KIF1B: variants seen among roughly 807,000 people sequenced by gnomAD.
The protein encoded by KIF1B is kinesin family member 1B.
A neutral mutation model predicts 241.9 loss-of-function variants in KIF1B; 76 were observed. That is an observed-to-expected ratio of 0.31 (90% CI 0.26 to 0.38). The LOEUF is 0.38. Among genes scored for constraint, KIF1B ranks in the 10% least tolerant of loss-of-function variants. The pLI is 1.00. For synonymous variants in KIF1B, 750 were observed against 796.7 expected, an observed-to-expected ratio of 0.94 and a Z score of 0.99; for missense variants, 1,622 against 2,271.4, an observed-to-expected ratio of 0.71 and a Z score of 5.81.
chr1:10,328,483 G>A (rs889217203), intron 27 of KIF1B, among the ~76,000 whole-genome samples: 4 of 152,208 alleles, frequency 2.6e-5, no homozygotes, highest in South Asian at 2.1e-4. Flanking sequence ...AATAGATAAC[G>A]TAGAATTTCA....
At chr1:10,331,722 A>G (rs1651928269) in intron 27 of KIF1B, among the ~76,000 whole-genome samples, 1 of 152,190 alleles carries the variant, frequency 6.6e-6, no homozygotes. Flanking sequence ...TATTGATACA[A>G]GTGTCTGTCT....
intron 6 of KIF1B, 61 bp downstream of exon 6, chr1:10,267,619 C>A: frequency 6.5e-7 from 1 of 1,546,638 alleles, no homozygotes; most frequent in South Asian, 1.1e-5. Context: ...CCTTTTTTCC[C>A]AGTTAAGGGT....
intron 1 of KIF1B, among the ~76,000 whole-genome samples, chr1:10,219,202 C>T (rs765889677): frequency 6.6e-6 from 1 of 152,178 alleles, no homozygotes; most frequent in African/African-American, 2.4e-5. Flanking sequence ...TGGCTCATGC[C>T]TGTAATCCCA....
intron 27 of KIF1B, among the ~76,000 whole-genome samples, chr1:10,328,855 C>G (rs1651817704): frequency 6.6e-6 from 1 of 152,150 alleles, no homozygotes; most frequent in Non-Finnish European, 1.5e-5. Context: ...AAGTGAATAA[C>G]AGGTAGAAAT....
chr1:10,305,507 AG>A lies in KIF1B; in HGVS notation c.2115+8264del, dbSNP rs1650786092. 2.2e-5 allele frequency: 23 copies of A among 1,060,198 alleles called. No individual in the cohort carries two copies. The South Asian group carries it at 9.6e-4, about 44-fold the overall frequency. 65.7% of individuals were successfully genotyped at this position (1,060,198 alleles called of 1,614,324 possible). On this transcript the variant is annotated intron_variant, in intron 22 of 48. Coordinates refer to ENST00000676179, the MANE Select transcript of KIF1B (RefSeq NM_001365951.3). Reference sequence around the variant, plus strand: ...TTGTAAGGAGGTTATTTGGCTTGAGAGGGAAGAGGTGGGACAGACATGGGGG... The same window carrying A: ...TTGTAAGGAGGTTATTTGGCTTGAGAGGAAGAGGTGGGACAGACATGGGGG...
At chr1:10,254,722 A>G (rs1206444109) in intron 2 of KIF1B, among the ~76,000 whole-genome samples, 2 of 151,604 alleles carry the variant, frequency 1.3e-5, no homozygotes, top group Non-Finnish European at 2.9e-5. Context: ...TAAAAATACA[A>G]AAAAATTAGC....
At chr1:10,353,798 A>G (rs930925331) in intron 38 of KIF1B, among the ~76,000 whole-genome samples, 3 of 152,130 alleles carry the variant, frequency 2.0e-5, no homozygotes, top group Admixed American at 6.5e-5. Flanking sequence ...GAGGGTACAT[A>G]TGTATGTCTG....
At chr1:10,320,849 G>A (rs1032897062) in intron 23 of KIF1B, among the ~76,000 whole-genome samples, 2 of 151,272 alleles carry the variant, frequency 1.3e-5, no homozygotes, top group African/African-American at 2.4e-5. Flanking sequence ...TTACAGGGAT[G>A]CGCCACCATG....
intron 8 of KIF1B, 151 bp from the exon 9 acceptor site, chr1:10,272,090 G>T: frequency 1.6e-6 from 1 of 642,200 alleles, no homozygotes; most frequent in Non-Finnish European, 2.8e-6. Context: ...ATTATCAAGT[G>T]GAAAAGAGGA....
intron 1 of KIF1B, among the ~76,000 whole-genome samples, chr1:10,225,501 T>C (rs1323933298): frequency 1.3e-5 from 2 of 152,158 alleles, no homozygotes; most frequent in Non-Finnish European, 1.5e-5. Flanking sequence ...AGTAATTTAT[T>C]CTGCCTTGGG....
chr1:10,303,982 C>A lies in KIF1B; in HGVS notation c.2115+6736C>A. The A allele has an allele frequency of 1.9e-6, 3 of 1,613,176 alleles. No homozygotes were observed. The highest frequency in any genetic ancestry group is 2.5e-6 in the Non-Finnish European group (3 of 1,179,526). On this transcript the variant is annotated intron_variant, in intron 22 of 48. Coordinates refer to ENST00000676179, the MANE Select transcript of KIF1B (RefSeq NM_001365951.3). The surrounding 1 kb of genome is among the most constrained non-coding windows in gnomAD (Gnocchi z 5.2). ...AGAGCAAATTCGGTTTAAGAACTTG[C>A]AACAGCAGGAGATAACAAAGCAGCT...
At chr1:10,274,035 C>T (rs1178971575) in intron 10 of KIF1B, among the ~76,000 whole-genome samples, 2 of 148,280 alleles carry the variant, frequency 1.3e-5, no homozygotes, top group Non-Finnish European at 3.0e-5. Flanking sequence ...CTTCTGGGTT[C>T]AAGCGATTGT....
intron 1 of KIF1B, among the ~76,000 whole-genome samples, chr1:10,212,880 A>ATG (rs1417633003): frequency 1.8e-5 from 2 of 113,882 alleles, no homozygotes; most frequent in Non-Finnish European, 3.6e-5. Context: ...GTGTGTGTGC[A>ATG]TGCGTGTGTG....
chr1:10,372,643 G>A (rs1246033810), intron 45 of KIF1B, among the ~76,000 whole-genome samples: 5 of 124,518 alleles, frequency 4.0e-5, no homozygotes, highest in Admixed American at 7.7e-5. Context: ...GCGCCGCTGC[G>A]CGCCAGCTTG....
At position 10,311,544 on chromosome 1, in the gene KIF1B, A is replaced by C. The variant is rs527912277; in HGVS notation, c.2116-8499A>C. Among the ~76,000 whole-genome samples the C allele has an allele frequency of 2.0e-5, 3 of 150,850 alleles. No individual in the cohort carries two copies. The South Asian group carries it at 6.2e-4, about 31-fold the overall frequency. On this transcript the variant is annotated intron_variant, in intron 22 of 48. Coordinates refer to ENST00000676179, the MANE Select transcript of KIF1B (RefSeq NM_001365951.3). ...TTTCTTTTCATTATTTCCTATCCTC[A>C]TTCTTGCTGGAACTCATCTAGTCAG...
chr1:10,270,912 CGA>C (rs1175117588), intron 7 of KIF1B, among the ~76,000 whole-genome samples: 1 of 140,460 alleles, frequency 7.1e-6, no homozygotes, highest in African/African-American at 2.7e-5. Flanking sequence ...GGTGACAGAG[CGA>C]GACTCTGTCT....
At chr1:10,238,456 C>T (rs1647087561) in intron 2 of KIF1B, among the ~76,000 whole-genome samples, 1 of 150,554 alleles carries the variant, frequency 6.6e-6, no homozygotes, top group Non-Finnish European at 1.5e-5. Flanking sequence ...GTAATCTCAG[C>T]ACTTTGGGAG....
chr1:10,233,356 C>T (rs1391989605), intron 2 of KIF1B, among the ~76,000 whole-genome samples: 1 of 152,122 alleles, frequency 6.6e-6, no homozygotes, highest in Non-Finnish European at 1.5e-5. Context: ...TGGCTAATGC[C>T]TGTAATCCCA....
chr1:10,373,729 C>A (rs533331106), intron 45 of KIF1B, among the ~76,000 whole-genome samples: 1 of 152,322 alleles, frequency 6.6e-6, no homozygotes, highest in South Asian at 2.1e-4. Flanking sequence ...CTCTGCACAG[C>A]CGTTCAGGAA....
Sources: gnomAD v4.1 joint callset for allele counts (sites outside exome capture counted in the v4.1 genomes callset) on GRCh38, gnomAD v4.1.1 for gene constraint, Gnocchi (gnomAD v3.1) non-coding constraint, MANE v1.5 for transcripts, NCBI Gene and HGNC (gene_info 2026-07-23, HGNC 2026-07-21) for gene names.